The following CDK14 variants were observed in gnomAD, a reference collection of about 807,000 sequenced individuals.
The protein encoded by CDK14 is cyclin-dependent kinase 14.
In CDK14, 34 loss-of-function variants were observed where a neutral mutation model predicts 60.7. The observed-to-expected ratio is 0.56, with a 90% CI of 0.43 to 0.75. CDK14 has a LOEUF of 0.75. CDK14 is among the 30% of genes least tolerant of loss of function. CDK14 has a pLI of 0.00. For missense variants in CDK14, 482 were observed against 564.1 expected (o/e 0.85, Z 1.47); for synonymous variants, 197 against 203.7 (o/e 0.97, Z 0.28).
intron 2 of CDK14, among the ~76,000 whole-genome samples, chr7:90,645,845 A>G (rs929145975): frequency 1.3e-5 from 2 of 152,230 alleles, no homozygotes. Context: ...GTGTTGTCCT[A>G]CTTCATTTTC....
intron 3 of CDK14, among the ~76,000 whole-genome samples, chr7:90,740,272 G>T (rs150655145): frequency 4.4e-3 from 503 of 113,052 alleles, no homozygotes; most frequent in Middle Eastern, 0.011. Context: ...TATATATATA[G>T]AGAGAGAGAG....
rs896043155 is a variant in CDK14 at position 91,208,179 on chromosome 7, T to G, written c.*1043T>G. The G allele has an allele frequency of 1.3e-5, 2 of 152,632 alleles. No homozygotes were observed. Among genetic ancestry groups the G allele is most frequent in the African/African-American group, 4.8e-5 (2 of 41,456 alleles). The allele number at this position is 152,632 out of a possible 1,614,324, so 9.5% of individuals were successfully genotyped here. ...ATTTTAAAAAAACATTCCAAGCCAA[T>G]TGGAAGACATCATTGGGTTCTTACT... On this transcript the variant is annotated 3_prime_UTR_variant, in exon 15 of 15. Coordinates refer to ENST00000380050, the MANE Select transcript of CDK14 (RefSeq NM_001287135.2).
intron 4 of CDK14, among the ~76,000 whole-genome samples, chr7:90,783,159 G>A (rs1805417624): frequency 6.6e-6 from 1 of 152,200 alleles, no homozygotes; most frequent in African/African-American, 2.4e-5. Context: ...ATAAAGCATT[G>A]ATAATGATTA....
At chr7:90,860,282 A>G (rs1337664296) in intron 5 of CDK14, among the ~76,000 whole-genome samples, 1 of 151,966 alleles carries the variant, frequency 6.6e-6, no homozygotes, top group Non-Finnish European at 1.5e-5. Context: ...AGTTAGAAAG[A>G]TGTAAGACTA....
chr7:90,999,350 A>G (rs546134895), intron 10 of CDK14, among the ~76,000 whole-genome samples: 2 of 151,960 alleles, frequency 1.3e-5, no homozygotes, highest in East Asian at 3.9e-4. Context: ...GCACTTTAGG[A>G]GGTCGAGGTG....
intron 14 of CDK14, among the ~76,000 whole-genome samples, chr7:91,158,112 T>C (rs1249254546): frequency 6.8e-6 from 1 of 147,984 alleles, no homozygotes; most frequent in Non-Finnish European, 1.5e-5. Context: ...AATATTTATA[T>C]ATAAACAGTA....
At chr7:91,119,558 C>T (rs901969862) in intron 14 of CDK14, among the ~76,000 whole-genome samples, 2 of 152,206 alleles carry the variant, frequency 1.3e-5, no homozygotes, top group Non-Finnish European at 2.9e-5. Flanking sequence ...AGTTCCTCTT[C>T]CTTCCTCCCT....
intron 8 of CDK14, among the ~76,000 whole-genome samples, chr7:90,920,397 A>G (rs1793210809): frequency 6.6e-6 from 1 of 152,250 alleles, no homozygotes; most frequent in Non-Finnish European, 1.5e-5. Flanking sequence ...TATATGAGGG[A>G]AAAGACTAAA....
At chr7:91,012,794 T>C (rs1796197718) in intron 10 of CDK14, among the ~76,000 whole-genome samples, 1 of 152,230 alleles carries the variant, frequency 6.6e-6, no homozygotes, top group South Asian at 2.1e-4. Flanking sequence ...GCTAGATATA[T>C]AGTAAATACT....
At chr7:90,831,626 A>C (rs12673088) in intron 5 of CDK14, among the ~76,000 whole-genome samples, 151,828 of 152,202 alleles carry the variant, frequency 1, 75,730 homozygotes, top group Middle Eastern at 1. Flanking sequence ...CTGACAGCTT[A>C]TCACCACTTC....
chr7:91,147,141 G>GTCTCTCTC (rs150638262), intron 14 of CDK14, among the ~76,000 whole-genome samples: 1,627 of 78,844 alleles, frequency 0.021, 19 homozygotes, highest in African/African-American at 0.041. Flanking sequence ...ACCTCTCTCT[G>GTCTCTCTC]TCTCTCTCTC....
chr7:90,604,416 A>C (rs1033141420), intron 2 of CDK14, among the ~76,000 whole-genome samples, 167 bp downstream of exon 2: 2 of 152,258 alleles, frequency 1.3e-5, no homozygotes, highest in Admixed American at 6.5e-5. Context: ...ATAATCGTTC[A>C]AATGAGTTTT....
chr7:90,710,690 C>A, intron 2 of CDK14: 2 of 316,750 alleles, frequency 6.3e-6, no homozygotes, highest in Non-Finnish European at 9.1e-6. Context: ...ATTTTGGATG[C>A]TAATGGAGAA....
chr7:90,774,206 C>T (rs1388113303), intron 4 of CDK14, among the ~76,000 whole-genome samples: 4 of 152,096 alleles, frequency 2.6e-5, no homozygotes, highest in African/African-American at 9.7e-5. Flanking sequence ...GCCAGGCCAG[C>T]ACAGGTCTTT....
rs188279804 is a variant in CDK14, at chr7:90,960,712, C to T, written c.947+4895C>T. ...ATATTGGCAGTGTACAAAGTTCTGC[C>T]ATTATCTTTAATGATCTTTCTTGAG... On this transcript the variant is annotated intron_variant, in intron 9 of 14. Transcript: ENST00000380050. Among the ~76,000 whole-genome samples, 258 of 152,124 alleles carry T rather than the reference C, an allele frequency of 1.7e-3. 1 individual carries two copies. Among genetic ancestry groups the T allele is most frequent in the Middle Eastern group, 6.8e-3 (2 of 294 alleles).
At chr7:90,621,110 A>G (rs980995156) in intron 2 of CDK14, among the ~76,000 whole-genome samples, 4 of 152,172 alleles carry the variant, frequency 2.6e-5, no homozygotes, top group Admixed American at 6.5e-5. Flanking sequence ...TGTCACATCT[A>G]CAGTGTGCAT....
At chr7:91,034,207 G>A (rs1450490693) in intron 10 of CDK14, among the ~76,000 whole-genome samples, 2 of 152,156 alleles carry the variant, frequency 1.3e-5, no homozygotes, top group Non-Finnish European at 2.9e-5. Context: ...CAGCCTCTGA[G>A]AGACTGTCTA....
chr7:90,603,362 C>G (rs17866086), intron 1 of CDK14, among the ~76,000 whole-genome samples: 2,092 of 152,208 alleles, frequency 0.014, 46 homozygotes, highest in African/African-American at 0.048. Context: ...TGTATTTTTA[C>G]TGTACATTTT....
chr7:91,124,301 CT>C (rs1315030490), intron 14 of CDK14, among the ~76,000 whole-genome samples: 1 of 152,120 alleles, frequency 6.6e-6, no homozygotes, highest in African/African-American at 2.4e-5. Context: ...TAACATTTTA[CT>C]ACATTAGCTA....
Sources: gnomAD v4.1 joint callset for allele counts (sites outside exome capture counted in the v4.1 genomes callset) on GRCh38, gnomAD v4.1.1 for gene constraint, MANE v1.5 for transcripts, NCBI Gene and HGNC (gene_info 2026-07-23, HGNC 2026-07-21) for gene names.